Variants in LHFPL3 observed in about 807,000 individuals in gnomAD.
LHFPL3 encodes LHFPL tetraspan subfamily member 3 protein.
A neutral mutation model predicts 19.3 loss-of-function variants in LHFPL3; 5 were observed. That is an observed-to-expected ratio of 0.26 (90% CI 0.14 to 0.54). LHFPL3 has a LOEUF of 0.54. LHFPL3 is among the 20% of genes least tolerant of loss of function. The pLI, the probability that LHFPL3 is intolerant of heterozygous loss-of-function variation, is 0.94. For missense variants in LHFPL3, 249 were observed against 307.4 expected (o/e 0.81, Z 1.42); for synonymous variants, 133 against 126.2 (o/e 1.05, Z -0.36).
chr7:104,408,943 C>T (rs1361224814), intron 1 of LHFPL3, among the ~76,000 whole-genome samples: 1 of 147,452 alleles, frequency 6.8e-6, no homozygotes, highest in African/African-American at 2.5e-5. Context: ...CGTCTCACTG[C>T]AAGCTCCGCC....
rs548483170 is a variant in LHFPL3 at position 104,601,700 on chromosome 7, A to C, written c.446-134975A>C. Among the ~76,000 whole-genome samples the C allele has an allele frequency of 5.9e-5, 9 of 152,220 alleles. No homozygotes were observed. The East Asian group carries it at 1.5e-3, about 26-fold the overall frequency. On this transcript the variant is annotated intron_variant, in intron 1 of 2. Coordinates refer to ENST00000424859, the MANE Select transcript of LHFPL3 (RefSeq NM_199000.3). Reference sequence around the variant, plus strand: ...GTACTGCTCTCCCTCATACAAAGACACCAACCACAAACTCAGCCTGCTCGA... The same window carrying C: ...GTACTGCTCTCCCTCATACAAAGACCCCAACCACAAACTCAGCCTGCTCGA...
At chr7:104,728,141 C>T (rs1016781468) in intron 1 of LHFPL3, among the ~76,000 whole-genome samples, 17 of 152,192 alleles carry the variant, frequency 1.1e-4, no homozygotes, top group Non-Finnish European at 2.1e-4. Context: ...TAACAAATAA[C>T]TAAAGCAGAG....
At chr7:104,690,675 G>T (rs1372397096) in intron 1 of LHFPL3, among the ~76,000 whole-genome samples, 1 of 152,216 alleles carries the variant, frequency 6.6e-6, no homozygotes, top group African/African-American at 2.4e-5. Context: ...CTAAGGTGAA[G>T]GATAAGTTGC....
chr7:104,727,470 A>G (rs2116267729), intron 1 of LHFPL3, among the ~76,000 whole-genome samples: 1 of 152,298 alleles, frequency 6.6e-6, no homozygotes, highest in South Asian at 2.1e-4. Flanking sequence ...TTTACATTTA[A>G]GGTGGACCAA....
chr7:104,380,724 C>T (rs1337377232), intron 1 of LHFPL3, among the ~76,000 whole-genome samples: 1 of 152,072 alleles, frequency 6.6e-6, no homozygotes, highest in East Asian at 1.9e-4. Context: ...CTAATGAATT[C>T]TAAAGCATAG....
chr7:104,565,822 A>G (rs965631804), intron 1 of LHFPL3, among the ~76,000 whole-genome samples: 3 of 151,830 alleles, frequency 2.0e-5, no homozygotes, highest in African/African-American at 4.8e-5. Flanking sequence ...ATTTTGCCAT[A>G]TGACCTATCA....
chr7:104,651,834 C>G (rs544893456), intron 1 of LHFPL3, among the ~76,000 whole-genome samples: 1 of 152,326 alleles, frequency 6.6e-6, no homozygotes, highest in South Asian at 2.1e-4. Context: ...AGTAATCTGT[C>G]TGAGCCTCAG....
intron 2 of LHFPL3, among the ~76,000 whole-genome samples, chr7:104,848,609 C>T (rs935289549): frequency 3.3e-5 from 5 of 151,444 alleles, no homozygotes; most frequent in African/African-American, 1.2e-4. Flanking sequence ...TTGGAAACTG[C>T]AGGTGTCTGA....
chr7:104,508,909 A>G (rs755763681), intron 1 of LHFPL3, among the ~76,000 whole-genome samples: 2 of 152,102 alleles, frequency 1.3e-5, no homozygotes, highest in Non-Finnish European at 2.9e-5. Flanking sequence ...AATATCAACA[A>G]TGAAATAGGT....
intron 1 of LHFPL3, among the ~76,000 whole-genome samples, chr7:104,438,498 G>A (rs575840553): frequency 1.8e-4 from 28 of 152,230 alleles, no homozygotes; most frequent in African/African-American, 6.5e-4. Flanking sequence ...TGTTATTGAG[G>A]TTTAATTTGT....
At position 104,884,680 on chromosome 7, in the gene LHFPL3, C is replaced by T. The variant is rs772020004; in HGVS notation, c.683-21507C>T. ...AATTGTGAAGAACAAATAAACTCCC[C>T]TTTCAGGAGAATTTGCATTCTGACA... On this transcript the variant is annotated intron_variant, in intron 2 of 2. Transcript: ENST00000424859. 5.1e-4 allele frequency among the ~76,000 whole-genome samples: 78 copies of T among 152,274 alleles called. 1 individual carries two copies. Among genetic ancestry groups the T allele is most frequent in the Non-Finnish European group, 9.1e-4 (62 of 68,038 alleles).
intron 2 of LHFPL3, among the ~76,000 whole-genome samples, chr7:104,872,994 CCA>C (rs1791865679): frequency 6.6e-6 from 1 of 152,158 alleles, no homozygotes; most frequent in Non-Finnish European, 1.5e-5. Flanking sequence ...ACCAGCATCT[CCA>C]CAGACAGGGA....
rs1200631328 is a variant in LHFPL3, at chr7:104,557,700, T to C, written c.446-178975T>C. On this transcript the variant is annotated intron_variant, in intron 1 of 2. Transcript: ENST00000424859. ...TATTTTTTTATTTTTTATTATACTTTAAGTTTTAGGGTACATGTGCACATT... is the reference window on the plus strand; with the variant it reads ...TATTTTTTTATTTTTTATTATACTTCAAGTTTTAGGGTACATGTGCACATT... Among the ~76,000 whole-genome samples, 4 of 152,064 alleles carry C rather than the reference T, an allele frequency of 2.6e-5. No homozygotes were observed. In the East Asian group the frequency reaches 7.7e-4, roughly 29 times the overall value.
chr7:104,472,901 G>A (rs6965697), intron 1 of LHFPL3, among the ~76,000 whole-genome samples: 69,189 of 151,918 alleles, frequency 0.46, 16,450 homozygotes, highest in African/African-American at 0.58. Flanking sequence ...TCAATCCTTG[G>A]TTAAAGATTT....
At chr7:104,379,738 G>C (rs1165178027) in intron 1 of LHFPL3, among the ~76,000 whole-genome samples, 1 of 152,084 alleles carries the variant, frequency 6.6e-6, no homozygotes, top group African/African-American at 2.4e-5. Context: ...TCACCTTTAG[G>C]GTAAAGAGAG....
intron 2 of LHFPL3, among the ~76,000 whole-genome samples, chr7:104,842,703 T>C (rs964215001): frequency 4.6e-5 from 7 of 152,200 alleles, no homozygotes; most frequent in Non-Finnish European, 1.0e-4. Flanking sequence ...GATAATGACT[T>C]ATTTGAAATG....
At chr7:104,618,932 CG>C (rs1316822575) in intron 1 of LHFPL3, among the ~76,000 whole-genome samples, 3 of 152,128 alleles carry the variant, frequency 2.0e-5, no homozygotes, top group Non-Finnish European at 4.4e-5. Flanking sequence ...TCCTGGAATG[CG>C]GGGCAGCAGA....
intron 1 of LHFPL3, among the ~76,000 whole-genome samples, chr7:104,482,136 A>T (rs1793148922): frequency 6.6e-6 from 1 of 152,136 alleles, no homozygotes; most frequent in South Asian, 2.1e-4. Context: ...AAGGTGAAAT[A>T]ACTCTGTAGT....
At chr7:104,779,302 C>T (rs896077295) in intron 2 of LHFPL3, among the ~76,000 whole-genome samples, 3 of 152,180 alleles carry the variant, frequency 2.0e-5, no homozygotes, top group African/African-American at 7.2e-5. Context: ...TCACTCTCAT[C>T]ATTGAGTATT....
Sources: allele counts gnomAD v4.1 joint callset (sites outside exome capture counted in the v4.1 genomes callset), GRCh38; gene constraint gnomAD v4.1.1; transcripts MANE v1.5; gene names NCBI Gene and HGNC (gene_info 2026-07-23, HGNC 2026-07-21).